The following IL33 variants were observed in gnomAD, a reference collection of about 807,000 sequenced individuals.
IL33 encodes the protein interleukin 33.
Under a neutral mutation model 27.3 loss-of-function variants are expected in IL33, and 37 were observed. The ratio of observed to expected loss-of-function variants is 1.36; its 90% CI spans 1.04 to 1.78. IL33 has a LOEUF of 1.78. IL33 is among the 40% of genes most tolerant of loss of function. The pLI, the probability that IL33 is intolerant of heterozygous loss-of-function variation, is 0.00. For synonymous variants in IL33, 132 were observed against 102.9 expected (o/e 1.28, Z -1.71); for missense variants, 406 against 311.4 (o/e 1.30, Z -2.29).
At chr9:6,238,361 G>C (rs902713466) in intron 1 of IL33, among the ~76,000 whole-genome samples, 1 of 152,196 alleles carries the variant, frequency 6.6e-6, no homozygotes, top group Non-Finnish European at 1.5e-5. Flanking sequence ...TTCATGTGAG[G>C]TCTTCAAGCT....
intron 1 of IL33, among the ~76,000 whole-genome samples, chr9:6,221,499 A>G (rs1464883555): frequency 6.6e-6 from 1 of 152,248 alleles, no homozygotes; most frequent in African/African-American, 2.4e-5. Flanking sequence ...TTCAACATTT[A>G]GAAGCATTAA....
Position 6,252,852 on chromosome 9 carries a change from ATTC to A in IL33, c.344-11_344-9del. On this transcript the variant is annotated splice_polypyrimidine_tract_variant and intron_variant, in intron 4 of 7. Transcript: ENST00000682010. ...AGAATTGTGCCTGACAAATTTTTGA[ATTC>A]TTAACAACAGGAATTTCACCTATTA... is the stretch of plus-strand genomic sequence containing the variant. 1.3e-6 allele frequency: 2 copies of A among 1,594,880 alleles called. No individual in the cohort carries two copies. The highest frequency in any genetic ancestry group is 2.3e-5 in the South Asian group (2 of 86,304).
At chr9:6,227,909 G>T (rs1818718833) in intron 1 of IL33, among the ~76,000 whole-genome samples, 1 of 152,118 alleles carries the variant, frequency 6.6e-6, no homozygotes, top group Non-Finnish European at 1.5e-5. Flanking sequence ...GAATGCAACG[G>T]ATTTGGATTC....
chr9:6,250,319 TA>T (rs1368465235), intron 2 of IL33, among the ~76,000 whole-genome samples, 154 bp from the exon 3 acceptor site: 8 of 152,188 alleles, frequency 5.3e-5, no homozygotes, highest in African/African-American at 1.9e-4. Context: ...TCCTAAAATC[TA>T]AAAAACTCCG....
intron 1 of IL33, among the ~76,000 whole-genome samples, chr9:6,218,913 T>TATATATATATTCTCC (rs1818293817): frequency 9.7e-6 from 1 of 103,512 alleles, no homozygotes; most frequent in African/African-American, 3.6e-5. Flanking sequence ...TATATATATA[T>TATATATATATTCTCC]ATATATATAT....
intron 1 of IL33, among the ~76,000 whole-genome samples, chr9:6,225,439 C>A (rs771561003): frequency 2.0e-5 from 3 of 152,172 alleles, no homozygotes; most frequent in Non-Finnish European, 4.4e-5. Context: ...CCTGGCTCCA[C>A]CACATACCCA....
chr9:6,223,945 G>A (rs1178334565), intron 1 of IL33, among the ~76,000 whole-genome samples: 1 of 152,122 alleles, frequency 6.6e-6, no homozygotes, highest in Non-Finnish European at 1.5e-5. Flanking sequence ...GGTTAACCCA[G>A]CTCTGAGCAT....
chr9:6,249,016 C>T (rs1233763326), intron 2 of IL33, among the ~76,000 whole-genome samples: 1 of 152,142 alleles, frequency 6.6e-6, no homozygotes, highest in Non-Finnish European at 1.5e-5. Context: ...GGCTCTGGCA[C>T]TAGTTTTCTT....
intron 2 of IL33, chr9:6,242,079 C>G (rs568608280): frequency 1.1e-5 from 2 of 181,352 alleles, no homozygotes; most frequent in Non-Finnish European, 2.3e-5. Flanking sequence ...CTTTTTGCTC[C>G]ACACACCTCC....
chr9:6,244,251 T>C (rs1390201205), intron 2 of IL33, among the ~76,000 whole-genome samples: 2 of 152,226 alleles, frequency 1.3e-5, no homozygotes, highest in Admixed American at 6.5e-5. Flanking sequence ...CAAACTCATT[T>C]GTATGGCTTT....
chr9:6,229,489 A>G (rs1435898114), intron 1 of IL33, among the ~76,000 whole-genome samples: 1 of 152,222 alleles, frequency 6.6e-6, no homozygotes, highest in East Asian at 1.9e-4. Flanking sequence ...AAGAACAAGA[A>G]GACGTGCGTT....
intron 1 of IL33, among the ~76,000 whole-genome samples, chr9:6,219,335 C>T (rs1818314120): frequency 6.6e-6 from 1 of 151,790 alleles, no homozygotes; most frequent in African/African-American, 2.4e-5. Context: ...TAGTGGGCCT[C>T]AAAAAGTTCA....
At chr9:6,234,545 G>C (rs1819086911) in intron 1 of IL33, among the ~76,000 whole-genome samples, 3 of 152,146 alleles carry the variant, frequency 2.0e-5, no homozygotes, top group Admixed American at 2.0e-4. Flanking sequence ...TCCTGACTCA[G>C]CCACTTGGTA....
Position 6,241,743 on chromosome 9 carries a change from TG to T in IL33, c.51del (p.Trp17Ter). 3.1e-6 allele frequency: 5 copies of T among 1,611,984 alleles called. No individual in the cohort carries two copies. Among genetic ancestry groups the T allele is most frequent in the Non-Finnish European group, 4.2e-6 (5 of 1,178,790 alleles). The stretch of plus-strand genomic sequence containing the variant: ...AACCAACAAAATTTCCACAGCAAAG[TG>T]GAAGAACACAGCAAGCAAAGCCTTG... ...YSTNKISTAK[W>X]KNTASKALCF... On this transcript the variant is annotated frameshift_variant, in exon 2 of 8. Coordinates refer to ENST00000682010, the MANE Select transcript of IL33 (RefSeq NM_033439.4). LOFTEE classifies it high-confidence loss of function.
chr9:6,257,468 T>G lies in IL33; in HGVS notation c.*1300T>G, dbSNP rs904313335. 1.3e-5 allele frequency: 2 copies of G among 152,654 alleles called. No homozygotes were observed. Among genetic ancestry groups the G allele is most frequent in the Admixed American group, 1.3e-4 (2 of 15,280 alleles). The allele number at this position is 152,654 out of a possible 1,614,324, so 9.5% of individuals were successfully genotyped here. ...AGATAAAGCTATTAATGGCAATATT[T>G]TTTTGCTAAACGTTTTTGTTTTTTA... On this transcript the variant is annotated 3_prime_UTR_variant, in exon 8 of 8. Transcript: ENST00000682010.
At chr9:6,240,517 T>C (rs1007407905) in intron 1 of IL33, among the ~76,000 whole-genome samples, 1 of 152,172 alleles carries the variant, frequency 6.6e-6, no homozygotes, top group Non-Finnish European at 1.5e-5. Flanking sequence ...TCTAATACAG[T>C]GGTATTTGTG....
intron 6 of IL33, 63 bp downstream of exon 6, chr9:6,253,665 C>A: frequency 3.1e-6 from 4 of 1,298,032 alleles, no homozygotes; most frequent in East Asian, 2.4e-5. Flanking sequence ...AAGATAAATC[C>A]AAAAAAATCC....
At chr9:6,239,741 C>G (rs934497379) in intron 1 of IL33, among the ~76,000 whole-genome samples, 4 of 152,114 alleles carry the variant, frequency 2.6e-5, no homozygotes, top group Non-Finnish European at 4.4e-5. Context: ...GACAATGAGG[C>G]CTATTTCAAT....
chr9:6,255,152 A>G (rs1412420), intron 7 of IL33, among the ~76,000 whole-genome samples: 143,798 of 152,154 alleles, frequency 0.95, 68,007 homozygotes, highest in East Asian at 1. Flanking sequence ...GCATTATTAC[A>G]TTGGTCATGA....
Sources: allele counts gnomAD v4.1 joint callset (sites outside exome capture counted in the v4.1 genomes callset), GRCh38; gene constraint gnomAD v4.1.1; transcripts MANE v1.5; gene names NCBI Gene and HGNC (gene_info 2026-07-23, HGNC 2026-07-21).